FGF14: variants seen among roughly 807,000 people sequenced by gnomAD.
The protein encoded by FGF14 is fibroblast growth factor 14.
A neutral mutation model predicts 25.5 loss-of-function variants in FGF14; 5 were observed. That is an observed-to-expected ratio of 0.20 (90% CI 0.10 to 0.41). The LOEUF is 0.41. Among genes scored for constraint, FGF14 ranks in the 10% least tolerant of loss-of-function variants. The pLI, the probability that FGF14 is intolerant of heterozygous loss-of-function variation, is 1.00. For missense variants in FGF14, 222 were observed against 320.1 expected, an observed-to-expected ratio of 0.69 and a Z score of 2.34; for synonymous variants, 138 against 118.3, an observed-to-expected ratio of 1.17 and a Z score of -1.08.
At chr13:102,042,645 TAA>T in intron 1 of FGF14, among the ~76,000 whole-genome samples, 1 of 151,864 alleles carries the variant, frequency 6.6e-6, no homozygotes, top group East Asian at 1.9e-4. Flanking sequence ...AGCACAAAGG[TAA>T]AAAAAAGACA....
intron 1 of FGF14, among the ~76,000 whole-genome samples, chr13:102,031,768 C>G (rs2041223689): frequency 6.6e-6 from 1 of 151,822 alleles, no homozygotes; most frequent in South Asian, 2.1e-4. Flanking sequence ...AAATGTATTT[C>G]CTTAAGGCCA....
At chr13:101,968,541 C>A (rs774274853) in intron 1 of FGF14, among the ~76,000 whole-genome samples, 1 of 151,950 alleles carries the variant, frequency 6.6e-6, no homozygotes, top group South Asian at 2.1e-4. Context: ...GGCGTGGTGG[C>A]AGGCGCCTGC....
At chr13:102,220,859 G>C (rs2050580486) in intron 1 of FGF14, among the ~76,000 whole-genome samples, 2 of 152,090 alleles carry the variant, frequency 1.3e-5, no homozygotes. Context: ...CAGGCCTGTT[G>C]GTCTCAGCTC....
Position 102,150,316 on chromosome 13 carries a change from A to G in FGF14, c.208+251155T>C, listed in dbSNP as rs9585859. ...TTAGGTTTTTTTTTTTTCTTAAATA[A>G]CAGAAGTAAACATTGTGACATAGAG... On this transcript the variant is annotated intron_variant, in intron 1 of 4. Transcript: ENST00000376131. Among the ~76,000 whole-genome samples, 571 of 151,954 alleles carry G rather than the reference A, an allele frequency of 3.8e-3. 5 individuals carry two copies. The highest frequency in any genetic ancestry group is 0.012 in the African/African-American group (503 of 41,476).
chr13:102,021,696 T>C (rs1319815884), intron 1 of FGF14, among the ~76,000 whole-genome samples: 1 of 152,070 alleles, frequency 6.6e-6, no homozygotes, highest in African/African-American at 2.4e-5. Context: ...AGAAATTACT[T>C]TGGCTAAGAG....
chr13:102,337,285 T>C (rs1047562083), intron 1 of FGF14, among the ~76,000 whole-genome samples: 1 of 152,278 alleles, frequency 6.6e-6, no homozygotes, highest in Non-Finnish European at 1.5e-5. Flanking sequence ...TTCCAATCCT[T>C]ATGGATGACT....
intron 3 of FGF14, among the ~76,000 whole-genome samples, chr13:101,857,939 T>C (rs1417318402): frequency 2.0e-5 from 3 of 152,064 alleles, no homozygotes; most frequent in African/African-American, 7.2e-5. Context: ...ATTTTTAGTA[T>C]ACAACTTGTG....
chr13:102,206,182 C>A (rs182209467), intron 1 of FGF14, among the ~76,000 whole-genome samples: 2 of 151,396 alleles, frequency 1.3e-5, no homozygotes, highest in African/African-American at 4.8e-5. Context: ...TTCAGAGGAC[C>A]TTTTCAGAGC....
chr13:101,758,017 A>G (rs2037772350), intron 3 of FGF14, among the ~76,000 whole-genome samples: 1 of 152,200 alleles, frequency 6.6e-6, no homozygotes, highest in Non-Finnish European at 1.5e-5. Flanking sequence ...TATATATAAA[A>G]CATCTAACAT....
At chr13:102,200,256 T>C (rs996917614) in intron 1 of FGF14, among the ~76,000 whole-genome samples, 2 of 152,156 alleles carry the variant, frequency 1.3e-5, no homozygotes, top group Non-Finnish European at 2.9e-5. Flanking sequence ...TGTGCATTTA[T>C]ATATATATAA....
intron 1 of FGF14, among the ~76,000 whole-genome samples, chr13:102,191,999 T>C (rs994456995): frequency 6.6e-6 from 1 of 152,224 alleles, no homozygotes; most frequent in Non-Finnish European, 1.5e-5. Flanking sequence ...CTCTTTTTCA[T>C]TTAATGCCAT....
At chr13:102,272,053 G>C (rs2053273544) in intron 1 of FGF14, among the ~76,000 whole-genome samples, 1 of 152,120 alleles carries the variant, frequency 6.6e-6, no homozygotes, top group Non-Finnish European at 1.5e-5. Context: ...AGCCTGTCCA[G>C]CTGCTCTCCA....
intron 1 of FGF14, chr13:102,300,332 C>T (rs955480116): frequency 6.6e-6 from 1 of 151,148 alleles, no homozygotes; most frequent in African/African-American, 2.5e-5. Flanking sequence ...CTGCCTTCTT[C>T]TCATGTTAAA....
chr13:102,098,133 T>G (rs971645734), intron 1 of FGF14, among the ~76,000 whole-genome samples: 2 of 152,228 alleles, frequency 1.3e-5, no homozygotes, highest in African/African-American at 4.8e-5. Context: ...GCACATTTGA[T>G]GAAACTGTCT....
intron 1 of FGF14, among the ~76,000 whole-genome samples, chr13:101,885,991 C>A (rs1228955650): frequency 1.3e-5 from 2 of 152,106 alleles, no homozygotes; most frequent in African/African-American, 4.8e-5. Context: ...CAGGTTAATG[C>A]TTCAGGACAT....
chr13:102,199,531 A>G (rs1336704), intron 1 of FGF14, among the ~76,000 whole-genome samples: 23,235 of 152,150 alleles, frequency 0.15, 2,077 homozygotes, highest in Non-Finnish European at 0.2. Flanking sequence ...CAGAAACCCA[A>G]TCTTTGACAC....
chr13:101,846,762 A>G (rs1295343871), intron 3 of FGF14, among the ~76,000 whole-genome samples: 1 of 152,070 alleles, frequency 6.6e-6, no homozygotes, highest in Non-Finnish European at 1.5e-5. Flanking sequence ...AAAGGCCTCC[A>G]GGTAAGTGTA....
intron 1 of FGF14, among the ~76,000 whole-genome samples, chr13:102,075,035 T>C (rs1025242927): frequency 2.6e-5 from 4 of 152,166 alleles, no homozygotes; most frequent in Non-Finnish European, 5.9e-5. Context: ...TGCCCACTCT[T>C]CTCAGTTCTA....
rs1259279677 is a variant in FGF14, at chr13:101,711,578, A to C, written c.*11253T>G. 1 of 152,254 alleles carries C rather than the reference A, an allele frequency of 6.6e-6. No individual in the cohort carries two copies. Among genetic ancestry groups the C allele is most frequent in the Non-Finnish European group, 1.5e-5 (1 of 68,058 alleles). 9.4% of individuals were successfully genotyped at this position (152,254 alleles called of 1,614,324 possible). ...ATCACAGATAGGCAGATCACTAAAA[A>C]GAAGAGTGGATTGAATCAGAGTGAA... On this transcript the variant is annotated 3_prime_UTR_variant, in exon 5 of 5. Transcript: ENST00000376143.
Sources: allele counts gnomAD v4.1 joint callset (sites outside exome capture counted in the v4.1 genomes callset), GRCh38; gene constraint gnomAD v4.1.1; transcripts MANE v1.5; gene names NCBI Gene and HGNC (gene_info 2026-07-23, HGNC 2026-07-21).